TASP1: variants seen among roughly 807,000 people sequenced by gnomAD.
TASP1 encodes threonine aspartase 1.
A neutral mutation model predicts 56.6 loss-of-function variants in TASP1; 16 were observed. The observed-to-expected ratio is 0.28, with a 90% CI of 0.19 to 0.43. The LOEUF (loss-of-function observed/expected upper bound fraction) is 0.43. Ranked by LOEUF, TASP1 falls within the 20% of genes least tolerant of loss-of-function variation. The probability of loss-of-function intolerance (pLI) is 1.00; values close to 1 mark genes in which losing one functional copy is unlikely to be tolerated. For missense variants in TASP1, 393 were observed against 511.6 expected, an observed-to-expected ratio of 0.77 and a Z score of 2.24; for synonymous variants, 179 against 184.2, an observed-to-expected ratio of 0.97 and a Z score of 0.23.
At chr20:13,232,975 G>A in the TASP1 span, among the ~76,000 whole-genome samples, 11 of 151,884 alleles carry the variant, frequency 7.2e-5, no homozygotes, top group African/African-American at 2.7e-4. Context: ...GACATTGATT[G>A]TAGTGACCAT....
In TASP1 at chr20:13,419,982, G is replaced by A. The variant is rs73901159; in HGVS notation, c.1097-2461C>T. ...GGGATAGTCTAACTTGCCTAACAGA[G>A]GAAAGGCACTCAAGTCTTACTGAAG... On this transcript the variant is annotated intron_variant, in intron 12 of 13. Transcript: ENST00000337743. Among the ~76,000 whole-genome samples, 1,286 of 152,240 alleles carry A rather than the reference G, an allele frequency of 8.4e-3. 22 individuals are homozygous for A. Among genetic ancestry groups the A allele is most frequent in the African/African-American group, 0.029 (1,196 of 41,506 alleles).
At chr20:13,419,262 GTGTA>G (rs2042359385) in intron 12 of TASP1, among the ~76,000 whole-genome samples, 1 of 152,156 alleles carries the variant, frequency 6.6e-6, no homozygotes, top group South Asian at 2.1e-4. Flanking sequence ...ATTTGTTTGT[GTGTA>G]TGTGTGTGTG....
the TASP1 span, among the ~76,000 whole-genome samples, chr20:13,181,510 G>A: frequency 2.0e-5 from 3 of 152,306 alleles, no homozygotes; most frequent in South Asian, 2.1e-4. Context: ...TAGGAGTCAC[G>A]AGAGCTTGCT....
intron 4 of TASP1, among the ~76,000 whole-genome samples, chr20:13,588,159 G>A (rs2047375378): frequency 6.6e-6 from 1 of 151,490 alleles, no homozygotes. Flanking sequence ...TCAGGAACAA[G>A]ACAAGGATAT....
chr20:13,567,833 G>A (rs887191709), intron 7 of TASP1, among the ~76,000 whole-genome samples: 1 of 152,138 alleles, frequency 6.6e-6, no homozygotes, highest in African/African-American at 2.4e-5. Flanking sequence ...GGAGAGAGGC[G>A]AAGGAGATCA....
At chr20:13,149,184 G>C in the TASP1 span, among the ~76,000 whole-genome samples, 4 of 152,164 alleles carry the variant, frequency 2.6e-5, no homozygotes, top group Non-Finnish European at 5.9e-5. Context: ...ATGTGAGTAG[G>C]GACTTTCCCT....
At chr20:13,389,233 T>C (rs2041192921), downstream of TASP1, among the ~76,000 whole-genome samples, 1 of 152,340 alleles carries the variant, frequency 6.6e-6, no homozygotes. Flanking sequence ...GACTTCCATA[T>C]TGAGCATTCA....
intron 11 of TASP1, among the ~76,000 whole-genome samples, chr20:13,437,824 G>C (rs1455979622): frequency 6.6e-6 from 1 of 152,156 alleles, no homozygotes; most frequent in African/African-American, 2.4e-5. Context: ...ACCTCTTCAA[G>C]GAGAACTACA....
At chr20:13,543,951 C>T (rs1177134978) in intron 8 of TASP1, among the ~76,000 whole-genome samples, 2 of 152,144 alleles carry the variant, frequency 1.3e-5, no homozygotes, top group Admixed American at 6.5e-5. Flanking sequence ...TTGCACATCA[C>T]TCTTAAATGA....
At chr20:13,324,897 C>T in the TASP1 span, among the ~76,000 whole-genome samples, 2 of 152,206 alleles carry the variant, frequency 1.3e-5, no homozygotes, top group African/African-American at 4.8e-5. Flanking sequence ...AAGAGACTTG[C>T]TCATGCAGCT....
the TASP1 span, among the ~76,000 whole-genome samples, chr20:13,132,524 T>C: frequency 2.0e-5 from 3 of 152,198 alleles, no homozygotes; most frequent in South Asian, 4.1e-4. Context: ...TGTATATGTA[T>C]CTGCTTATTA....
the TASP1 span, among the ~76,000 whole-genome samples, chr20:13,295,802 C>T: frequency 7.2e-5 from 11 of 152,214 alleles, no homozygotes; most frequent in Non-Finnish European, 1.3e-4. Flanking sequence ...TCCCCTACCA[C>T]GCTCAGTCAT....
chr20:13,141,334 G>A, the TASP1 span, among the ~76,000 whole-genome samples: 1 of 152,130 alleles, frequency 6.6e-6, no homozygotes, highest in African/African-American at 2.4e-5. Flanking sequence ...CTCTTCTCTA[G>A]GGAAGAGGGA....
At chr20:13,165,810 G>T in the TASP1 span, 2 of 152,168 alleles carry the variant, frequency 1.3e-5, no homozygotes, top group Non-Finnish European at 2.9e-5. Flanking sequence ...ATTGATTCAA[G>T]AAGGACATTT....
chr20:13,376,108 T>C, the TASP1 span, among the ~76,000 whole-genome samples: 19 of 152,200 alleles, frequency 1.2e-4, no homozygotes, highest in African/African-American at 4.6e-4. Flanking sequence ...TTTTGGCTTT[T>C]GTTGTCTTTG....
At chr20:13,358,050 A>T in the TASP1 span, among the ~76,000 whole-genome samples, 1 of 152,170 alleles carries the variant, frequency 6.6e-6, no homozygotes, top group Non-Finnish European at 1.5e-5. Flanking sequence ...TCCTTGCCTT[A>T]ACTGATGACA....
At chr20:13,316,181 T>C in the TASP1 span, among the ~76,000 whole-genome samples, 5 of 151,952 alleles carry the variant, frequency 3.3e-5, no homozygotes, top group East Asian at 7.7e-4. Context: ...TGCCCACAAA[T>C]TGATAACCTA....
intron 13 of TASP1, among the ~76,000 whole-genome samples, chr20:13,401,003 G>T (rs1470957505): frequency 6.6e-6 from 1 of 152,108 alleles, no homozygotes; most frequent in African/African-American, 2.4e-5. Flanking sequence ...TACAACACGG[G>T]TTAGTCTCAA....
the TASP1 span, among the ~76,000 whole-genome samples, chr20:13,249,787 TTTGTTTTG>T: frequency 6.6e-5 from 3 of 45,792 alleles, no homozygotes; most frequent in East Asian, 1.9e-3. Context: ...TGCGTTTTGT[TTTGTTTTG>T]TTTTGTTTTG....
Sources: gnomAD v4.1 joint callset for allele counts (sites outside exome capture counted in the v4.1 genomes callset) on GRCh38, gnomAD v4.1.1 for gene constraint, MANE v1.5 for transcripts, NCBI Gene and HGNC (gene_info 2026-07-23, HGNC 2026-07-21) for gene names.